CDH12: variants seen among roughly 807,000 people sequenced by gnomAD.
CDH12 encodes the protein cadherin 12, also known as cadherin-12.
In CDH12, 41 loss-of-function variants were observed where a neutral mutation model predicts 74.1. The ratio of observed to expected loss-of-function variants is 0.55; its 90% CI spans 0.43 to 0.72. The LOEUF is 0.72. Ranked by LOEUF, CDH12 falls within the 30% of genes least tolerant of loss-of-function variation. The pLI is 0.00. For missense variants in CDH12, 945 were observed against 977.2 expected, an observed-to-expected ratio of 0.97 and a Z score of 0.44; for synonymous variants, 399 against 355.0, an observed-to-expected ratio of 1.12 and a Z score of -1.39.
At chr5:21,953,475 G>A (rs1755957730) in intron 6 of CDH12, among the ~76,000 whole-genome samples, 1 of 152,078 alleles carries the variant, frequency 6.6e-6, no homozygotes, top group African/African-American at 2.4e-5. Context: ...AATATATTTT[G>A]ACAGAATTTG....
chr5:21,778,768 A>G (rs757717659), intron 11 of CDH12, among the ~76,000 whole-genome samples: 27 of 152,106 alleles, frequency 1.8e-4, no homozygotes, highest in Admixed American at 1.6e-3. Flanking sequence ...ACAACAAATA[A>G]TGTTTTGCTC....
At chr5:22,808,466 C>T (rs981790639) in intron 1 of CDH12, among the ~76,000 whole-genome samples, 9 of 152,108 alleles carry the variant, frequency 5.9e-5, no homozygotes, top group East Asian at 1.9e-4. Flanking sequence ...ATTTAATGGA[C>T]GTACTGTAAA....
intron 6 of CDH12, among the ~76,000 whole-genome samples, chr5:21,912,543 G>T (rs575521009): frequency 6.6e-6 from 1 of 152,226 alleles, no homozygotes; most frequent in Non-Finnish European, 1.5e-5. Flanking sequence ...TCCAAAACCA[G>T]TCTGCCACAC....
At chr5:22,348,582 G>T (rs900609040) in intron 3 of CDH12, among the ~76,000 whole-genome samples, 1 of 152,114 alleles carries the variant, frequency 6.6e-6, no homozygotes. Flanking sequence ...TATAATCCAC[G>T]ATGAGACAGA....
intron 3 of CDH12, among the ~76,000 whole-genome samples, chr5:22,215,874 T>C (rs1236923328): frequency 6.6e-6 from 1 of 152,150 alleles, no homozygotes; most frequent in African/African-American, 2.4e-5. Context: ...GTGACCACAC[T>C]CTTTCAAGAA....
chr5:22,749,246 G>A (rs1239647828), intron 1 of CDH12, among the ~76,000 whole-genome samples: 1 of 152,204 alleles, frequency 6.6e-6, no homozygotes, highest in Non-Finnish European at 1.5e-5. Flanking sequence ...GAAGCAAACA[G>A]GTTCAAAGAG....
At chr5:22,182,710 T>A (rs1331798190) in intron 4 of CDH12, among the ~76,000 whole-genome samples, 4 of 152,070 alleles carry the variant, frequency 2.6e-5, no homozygotes, top group Non-Finnish European at 4.4e-5. Flanking sequence ...GCAGTTGGGT[T>A]ATAGATGAGA....
chr5:22,409,096 G>T (rs1413644748), intron 2 of CDH12, among the ~76,000 whole-genome samples: 2 of 151,942 alleles, frequency 1.3e-5, no homozygotes, highest in East Asian at 1.9e-4. Context: ...ATATTTAAAG[G>T]TATCTTTTGT....
At chr5:22,847,423 G>C (rs1024773365) in intron 1 of CDH12, among the ~76,000 whole-genome samples, 37 of 152,082 alleles carry the variant, frequency 2.4e-4, no homozygotes, top group African/African-American at 8.5e-4. Context: ...TGGGTATATT[G>C]TTATCTGCTG....
intron 9 of CDH12, among the ~76,000 whole-genome samples, chr5:21,810,985 A>G (rs1477789245): frequency 2.0e-5 from 3 of 152,132 alleles, no homozygotes; most frequent in Non-Finnish European, 4.4e-5. Context: ...GTAAGTATAA[A>G]ATATATATAT....
chr5:22,316,558 A>G (rs1370314796), intron 3 of CDH12, among the ~76,000 whole-genome samples: 1 of 152,124 alleles, frequency 6.6e-6, no homozygotes, highest in African/African-American at 2.4e-5. Flanking sequence ...AACCAAATAC[A>G]TGATGTGATT....
chr5:22,771,469 A>AT (rs1561019448), intron 1 of CDH12, among the ~76,000 whole-genome samples: 2 of 152,102 alleles, frequency 1.3e-5, no homozygotes, highest in Admixed American at 1.3e-4. Flanking sequence ...CCACACTTTG[A>AT]TTTTACAGAT....
At chr5:22,364,397 A>G (rs1193169863) in intron 3 of CDH12, among the ~76,000 whole-genome samples, 1 of 152,172 alleles carries the variant, frequency 6.6e-6, no homozygotes, top group Non-Finnish European at 1.5e-5. Flanking sequence ...GAGATCTGAT[A>G]TAGAATTTAA....
At chr5:22,073,808 C>A (rs1742116402) in intron 5 of CDH12, among the ~76,000 whole-genome samples, 1 of 152,100 alleles carries the variant, frequency 6.6e-6, no homozygotes, top group Non-Finnish European at 1.5e-5. Context: ...CCAAGTCACT[C>A]AGTTGCCTCT....
At chr5:21,938,306 G>C (rs2081084) in intron 6 of CDH12, among the ~76,000 whole-genome samples, 1 of 152,126 alleles carries the variant, frequency 6.6e-6, no homozygotes, top group East Asian at 1.9e-4. Context: ...ACCTCTATCT[G>C]TCAGACCTCA....
chr5:22,100,818 A>G (rs1258727567), intron 4 of CDH12, among the ~76,000 whole-genome samples: 5 of 152,042 alleles, frequency 3.3e-5, no homozygotes, highest in Admixed American at 2.6e-4. Context: ...TTCATATACC[A>G]CTGGGGATAT....
At chr5:22,144,389 G>A (rs1045170718) in intron 4 of CDH12, among the ~76,000 whole-genome samples, 6 of 152,094 alleles carry the variant, frequency 3.9e-5, no homozygotes, top group Non-Finnish European at 5.9e-5. Flanking sequence ...ATTACTGCCA[G>A]CTTAAACCAT....
intron 1 of CDH12, among the ~76,000 whole-genome samples, chr5:22,825,373 G>A (rs1736259154): frequency 6.6e-6 from 1 of 152,136 alleles, no homozygotes; most frequent in Admixed American, 6.6e-5. Context: ...ATTTTAGATA[G>A]GATGGTAGAG....
At chr5:22,026,455 C>A (rs1738363011) in intron 5 of CDH12, among the ~76,000 whole-genome samples, 1 of 152,084 alleles carries the variant, frequency 6.6e-6, no homozygotes, top group African/African-American at 2.4e-5. Flanking sequence ...TATGAGTAAA[C>A]CTCCCATTCC....
Sources: allele counts gnomAD v4.1 joint callset (sites outside exome capture counted in the v4.1 genomes callset), GRCh38; gene constraint gnomAD v4.1.1; transcripts MANE v1.5; gene names NCBI Gene and HGNC (gene_info 2026-07-23, HGNC 2026-07-21).